The following SNRPN variants were observed in gnomAD, a reference collection of about 807,000 sequenced individuals.
SNRPN encodes the protein small nuclear ribonucleoprotein polypeptide N.
In SNRPN, 7 loss-of-function variants were observed where a neutral mutation model predicts 25.2. The ratio of observed to expected loss-of-function variants is 0.28; its 90% CI spans 0.16 to 0.52. SNRPN has a LOEUF of 0.52. Among genes scored for constraint, SNRPN ranks in the 20% least tolerant of loss-of-function variants. The pLI, the probability that SNRPN is intolerant of heterozygous loss-of-function variation, is 0.96. For missense variants in SNRPN, 196 were observed against 322.5 expected (o/e 0.61, Z 3.00); for synonymous variants, 124 against 110.6 (o/e 1.12, Z -0.76).
chr15:24,883,171 A>G (rs1012421953), intron 1 of SNRPN, among the ~76,000 whole-genome samples: 4 of 152,242 alleles, frequency 2.6e-5, no homozygotes, highest in African/African-American at 9.6e-5. Flanking sequence ...CAACTTCTGG[A>G]CAGTCAAGAA....
At chr15:24,902,809 A>G (rs1160683544) in intron 2 of SNRPN, among the ~76,000 whole-genome samples, 1 of 152,218 alleles carries the variant, frequency 6.6e-6, no homozygotes, top group African/African-American at 2.4e-5. Context: ...CAAGCTCGTA[A>G]AGGTAGTGTG....
At chr15:24,884,827 T>A (rs7183510) in intron 1 of SNRPN, among the ~76,000 whole-genome samples, 20 of 152,038 alleles carry the variant, frequency 1.3e-4, no homozygotes, top group Non-Finnish European at 1.9e-4. Flanking sequence ...AAAGGGGCCC[T>A]GACCCAGACC....
At chr15:24,894,368 G>A (rs1286729963) in intron 2 of SNRPN, among the ~76,000 whole-genome samples, 4 of 152,118 alleles carry the variant, frequency 2.6e-5, no homozygotes, top group African/African-American at 4.8e-5. Context: ...ACAGGTGCCC[G>A]CCACCACGCC....
chr15:24,965,024 C>G (rs1027864825), intron 2 of SNRPN, among the ~76,000 whole-genome samples: 1 of 152,058 alleles, frequency 6.6e-6, no homozygotes, highest in African/African-American at 2.4e-5. Context: ...CCCCCTTGTG[C>G]GTTTTCATTT....
At chr15:24,948,655 C>T (rs2062030662) in intron 3 of SNRPN, among the ~76,000 whole-genome samples, 1 of 152,038 alleles carries the variant, frequency 6.6e-6, no homozygotes, top group South Asian at 2.1e-4. Flanking sequence ...CAAGGTTGTT[C>T]TTGGTTGTGA....
intron 1 of SNRPN, among the ~76,000 whole-genome samples, chr15:24,828,693 G>A (rs1305937619): frequency 6.6e-6 from 1 of 152,094 alleles, no homozygotes; most frequent in Admixed American, 6.5e-5. Context: ...CCATTGCACT[G>A]CAGCCTGAGA....
intron 3 of SNRPN, among the ~76,000 whole-genome samples, chr15:24,936,626 C>T (rs946746829): frequency 6.6e-6 from 1 of 152,076 alleles, no homozygotes; most frequent in African/African-American, 2.4e-5. Flanking sequence ...TGCATCATGG[C>T]AGAAGGCAGA....
chr15:24,894,193 T>C (rs867934655), intron 2 of SNRPN, among the ~76,000 whole-genome samples: 2 of 151,000 alleles, frequency 1.3e-5, no homozygotes, highest in Middle Eastern at 3.2e-3. Context: ...GTACGCCCCA[T>C]CAAGTGGAAA....
At chr15:24,931,115 A>G (rs1487534846) in intron 3 of SNRPN, among the ~76,000 whole-genome samples, 2 of 152,158 alleles carry the variant, frequency 1.3e-5, no homozygotes, top group African/African-American at 2.4e-5. Context: ...GTACGTTACT[A>G]CAAGCTAACT....
rs2056580478 is a variant in SNRPN, at chr15:24,881,380, A to C, written c.-578-5136A>C. Among the ~76,000 whole-genome samples the C allele has an allele frequency of 4.7e-5, 7 of 148,490 alleles. No individual in the cohort carries two copies. The South Asian group carries it at 1.5e-3, about 32-fold the overall frequency. ...TCTACTAAAAATACAAAAAAAAAACAATGAGCTGGGCATGGGGGTGGACAC... is the reference window on the plus strand; with the variant it reads ...TCTACTAAAAATACAAAAAAAAAACCATGAGCTGGGCATGGGGGTGGACAC... On this transcript the variant is annotated intron_variant, in intron 1 of 11. Transcript: ENST00000400097.
intron 3 of SNRPN, chr15:24,968,857 T>A (rs760216773): frequency 8.5e-5 from 13 of 152,236 alleles, no homozygotes; most frequent in Non-Finnish European, 1.6e-4. Context: ...TAGTTCTTTT[T>A]ATGTTGCTTT....
chr15:24,854,912 G>A (rs1029617230), upstream of SNRPN, among the ~76,000 whole-genome samples: 2 of 152,006 alleles, frequency 1.3e-5, no homozygotes, highest in Admixed American at 6.6e-5. Context: ...GCTGAGGCAG[G>A]AGAATCACTT....
intron 2 of SNRPN, among the ~76,000 whole-genome samples, chr15:24,894,510 T>C (rs900726811): frequency 7.9e-5 from 12 of 152,158 alleles, no homozygotes; most frequent in South Asian, 2.1e-4. Context: ...TGAGCCACCG[T>C]GCCCAGCCGA....
intron 2 of SNRPN, among the ~76,000 whole-genome samples, chr15:24,840,791 C>T (rs910703879): frequency 1.3e-5 from 2 of 152,120 alleles, no homozygotes; most frequent in African/African-American, 4.8e-5. Context: ...ATTCATTGTG[C>T]CCATGGCCTT....
chr15:24,928,908 C>G (rs141042174), intron 3 of SNRPN, among the ~76,000 whole-genome samples: 202 of 152,180 alleles, frequency 1.3e-3, no homozygotes, highest in Middle Eastern at 0.01. Context: ...ACTCCCAGCT[C>G]CAATTTTTAG....
intron 1 of SNRPN, among the ~76,000 whole-genome samples, chr15:24,878,786 A>G (rs929766221): frequency 1.3e-5 from 2 of 152,134 alleles, no homozygotes; most frequent in African/African-American, 2.4e-5. Flanking sequence ...AATCCTTTTC[A>G]AAAATACTGA....
intron 2 of SNRPN, among the ~76,000 whole-genome samples, chr15:24,846,048 G>A (rs894148271): frequency 6.6e-6 from 1 of 151,162 alleles, no homozygotes; most frequent in Non-Finnish European, 1.5e-5. Context: ...TCGTGCCACT[G>A]CACTCCAGCT....
At chr15:24,888,868 G>A (rs2057406243) in intron 2 of SNRPN, among the ~76,000 whole-genome samples, 1 of 149,484 alleles carries the variant, frequency 6.7e-6, no homozygotes, top group Non-Finnish European at 1.5e-5. Context: ...TAAGATCCTT[G>A]ACATTCTTCT....
chr15:24,879,630 C>A (rs969269873), intron 1 of SNRPN, among the ~76,000 whole-genome samples: 1 of 152,168 alleles, frequency 6.6e-6, no homozygotes, highest in Non-Finnish European at 1.5e-5. Context: ...CCATGTCTGT[C>A]ACCCTTGTGC....
Sources: gnomAD v4.1 joint callset for allele counts (sites outside exome capture counted in the v4.1 genomes callset) on GRCh38, gnomAD v4.1.1 for gene constraint, MANE v1.5 for transcripts, NCBI Gene and HGNC (gene_info 2026-07-23, HGNC 2026-07-21) for gene names.